The following ZNF804B variants were observed in gnomAD, a reference collection of about 807,000 sequenced individuals.
The protein encoded by ZNF804B is zinc finger 804B.
A neutral mutation model predicts 101.4 loss-of-function variants in ZNF804B; 80 were observed. The ratio of observed to expected loss-of-function variants is 0.79; its 90% CI spans 0.66 to 0.95. The LOEUF (loss-of-function observed/expected upper bound fraction) is 0.95. Ranked by LOEUF, ZNF804B falls within the 40% of genes least tolerant of loss-of-function variation. ZNF804B has a pLI of 0.00. For missense variants in ZNF804B, 1,673 were observed against 1,561.9 expected (o/e 1.07, Z -1.20); for synonymous variants, 622 against 558.8 (o/e 1.11, Z -1.59).
intron 1 of ZNF804B, among the ~76,000 whole-genome samples, chr7:89,089,038 C>G (rs1789846033): frequency 6.8e-6 from 1 of 147,910 alleles, no homozygotes; most frequent in Non-Finnish European, 1.5e-5. Context: ...TCACATAAGC[C>G]TTTTTTTCCT....
intron 1 of ZNF804B, among the ~76,000 whole-genome samples, chr7:88,846,532 C>T (rs533376505): frequency 5.9e-5 from 9 of 152,244 alleles, no homozygotes; most frequent in Admixed American, 2.6e-4. Flanking sequence ...CGACTTTAGA[C>T]GCCTCAAGGC....
intron 1 of ZNF804B, among the ~76,000 whole-genome samples, chr7:89,051,117 C>A (rs1789198451): frequency 6.6e-6 from 1 of 151,866 alleles, no homozygotes; most frequent in Non-Finnish European, 1.5e-5. Context: ...TATTTATAAA[C>A]CTTCAGATTA....
chr7:88,830,621 A>G (rs1029619242), intron 1 of ZNF804B, among the ~76,000 whole-genome samples: 2 of 151,950 alleles, frequency 1.3e-5, no homozygotes, highest in African/African-American at 4.8e-5. Flanking sequence ...TCTTCCAATG[A>G]TAACATTTTA....
rs185668563 is a variant in ZNF804B, at chr7:88,762,643, C to T, written c.108+2559C>T. The stretch of plus-strand genomic sequence containing the variant: ...TTTTTCCTTTAGTATAAATGTTAAA[C>T]TCAGAGATCCATAAAATACATTCAT... On this transcript the variant is annotated intron_variant, in intron 1 of 3. Transcript: ENST00000333190. 1.9e-3 allele frequency among the ~76,000 whole-genome samples: 284 copies of T among 151,472 alleles called. 2 individuals carry two copies. The highest frequency in any genetic ancestry group is 6.7e-3 in the African/African-American group (275 of 41,268).
intron 1 of ZNF804B, among the ~76,000 whole-genome samples, chr7:88,962,796 AAG>A (rs1204862079): frequency 6.9e-6 from 1 of 145,646 alleles, no homozygotes; most frequent in African/African-American, 2.5e-5. Context: ...TAGTCTTAAA[AAG>A]AGAGAAAGCA....
intron 1 of ZNF804B, among the ~76,000 whole-genome samples, chr7:89,065,045 A>G (rs1277762376): frequency 6.6e-6 from 1 of 150,692 alleles, no homozygotes; most frequent in African/African-American, 2.4e-5. Context: ...GGAGGAAAAA[A>G]ATCACTAGAA....
chr7:89,283,795 A>G (rs532076087), intron 2 of ZNF804B, among the ~76,000 whole-genome samples: 158 of 152,256 alleles, frequency 1.0e-3, no homozygotes, highest in African/African-American at 3.8e-3. Flanking sequence ...GACCCTAGGT[A>G]GCATAGATTA....
chr7:89,006,898 A>G (rs1488773010), intron 1 of ZNF804B, among the ~76,000 whole-genome samples: 1 of 152,110 alleles, frequency 6.6e-6, no homozygotes, highest in Non-Finnish European at 1.5e-5. Flanking sequence ...TTCTTTGTGG[A>G]CTGACAGAAG....
intron 1 of ZNF804B, among the ~76,000 whole-genome samples, chr7:89,008,981 AG>A (rs1788412195): frequency 6.6e-6 from 1 of 152,116 alleles, no homozygotes; most frequent in Non-Finnish European, 1.5e-5. Flanking sequence ...ACTGTGATAC[AG>A]GGTCATATAC....
intron 1 of ZNF804B, among the ~76,000 whole-genome samples, chr7:88,903,780 C>T (rs1025428854): frequency 1.4e-4 from 22 of 151,996 alleles, no homozygotes; most frequent in South Asian, 4.1e-4. Flanking sequence ...CCATGCCCTT[C>T]GCCCTTTTTT....
intron 1 of ZNF804B, among the ~76,000 whole-genome samples, chr7:89,034,561 C>G (rs569827216): frequency 3.9e-4 from 60 of 152,040 alleles, no homozygotes; most frequent in African/African-American, 1.4e-3. Context: ...TCATCCATGT[C>G]CCTGCAAAAG....
At chr7:88,832,490 C>G (rs1791147496) in intron 1 of ZNF804B, among the ~76,000 whole-genome samples, 1 of 151,796 alleles carries the variant, frequency 6.6e-6, no homozygotes, top group African/African-American at 2.4e-5. Context: ...TTTAGACCTG[C>G]ACAACACAGT....
At chr7:89,263,267 G>A (rs1160626269) in intron 2 of ZNF804B, among the ~76,000 whole-genome samples, 1 of 152,114 alleles carries the variant, frequency 6.6e-6, no homozygotes, top group Admixed American at 6.6e-5. Flanking sequence ...AATTCTGGTC[G>A]TTGATCCTTA....
chr7:88,834,398 A>G (rs1316802379), intron 1 of ZNF804B, among the ~76,000 whole-genome samples: 1 of 151,824 alleles, frequency 6.6e-6, no homozygotes, highest in Non-Finnish European at 1.5e-5. Flanking sequence ...TAGAATTCCA[A>G]TATAGTCTAT....
intron 1 of ZNF804B, among the ~76,000 whole-genome samples, chr7:88,830,376 TAGAC>T (rs1791113663): frequency 6.6e-6 from 1 of 152,052 alleles, no homozygotes; most frequent in Non-Finnish European, 1.5e-5. Flanking sequence ...TACACATATA[TAGAC>T]AAATACAAAT....
intron 1 of ZNF804B, among the ~76,000 whole-genome samples, chr7:89,150,441 G>T (rs1345083999): frequency 1.3e-5 from 2 of 152,060 alleles, no homozygotes; most frequent in Non-Finnish European, 2.9e-5. Context: ...GAAAAGCATT[G>T]TCTTGTTAGA....
At chr7:89,118,019 A>G (rs1323911398) in intron 1 of ZNF804B, among the ~76,000 whole-genome samples, 1 of 152,140 alleles carries the variant, frequency 6.6e-6, no homozygotes, top group Non-Finnish European at 1.5e-5. Flanking sequence ...TGTATCTGTA[A>G]GAAGGTTTCT....
chr7:88,905,297 C>A (rs1055425670), intron 1 of ZNF804B, among the ~76,000 whole-genome samples: 1 of 152,050 alleles, frequency 6.6e-6, no homozygotes, highest in African/African-American at 2.4e-5. Flanking sequence ...AGAGGTAAAG[C>A]CTACTTGATT....
At chr7:89,238,481 C>A (rs947438908) in intron 2 of ZNF804B, among the ~76,000 whole-genome samples, 3 of 152,078 alleles carry the variant, frequency 2.0e-5, no homozygotes, top group African/African-American at 7.2e-5. Context: ...ATATTACATC[C>A]CACTGCATTT....
Sources: gnomAD v4.1 joint callset for allele counts (sites outside exome capture counted in the v4.1 genomes callset) on GRCh38, gnomAD v4.1.1 for gene constraint, MANE v1.5 for transcripts, NCBI Gene and HGNC (gene_info 2026-07-23, HGNC 2026-07-21) for gene names.